Variants in ZNF737 observed in about 807,000 individuals in gnomAD.
ZNF737 encodes the protein zinc finger protein 102 (Y3).
Under a neutral mutation model 11.7 loss-of-function variants are expected in ZNF737, and 13 were observed. The observed-to-expected ratio is 1.11, with a 90% CI of 0.73 to 1.77. The LOEUF (loss-of-function observed/expected upper bound fraction) is 1.77. Ranked by LOEUF, ZNF737 falls within the 40% of genes most tolerant of loss-of-function variation. The pLI is 0.00. For missense variants in ZNF737, 636 were observed against 638.0 expected (o/e 1.00, Z 0.03); for synonymous variants, 217 against 216.2 (o/e 1.00, Z -0.03).
chr19:20,545,038 T>G lies in ZNF737; in HGVS notation c.1165A>C (p.Arg389=). 6.2e-7 allele frequency: 1 copy of G among 1,613,958 alleles called. No individual in the cohort carries two copies. ...NWSSHLTTHK[R]IHTGEKPYKC... is the part of the protein sequence containing the mutation. ...TAGGGTTTCTCTCCAGTATGAATTC[T>G]CTTATGTGTAGTAAGGTGTGAGGAC... is the stretch of plus-strand genomic sequence containing the variant. Residue 389 remains arginine, a synonymous_variant, in exon 4 of 4, where the codon AGA becomes CGA. Coordinates refer to ENST00000427401, the MANE Select transcript of ZNF737 (RefSeq NM_001159293.2).
At chr19:20,535,270 T>C (rs112914358), downstream of ZNF737, among the ~76,000 whole-genome samples, 1 of 151,810 alleles carries the variant, frequency 6.6e-6, no homozygotes, top group South Asian at 2.1e-4. Flanking sequence ...AGAATGAGAC[T>C]CCATCTCAAA....
At position 20,542,879 on chromosome 19, in the gene ZNF737, T is replaced by G. The variant is rs1968274200; in HGVS notation, c.*1713A>C. On this transcript the variant is annotated 3_prime_UTR_variant, in exon 4 of 4. Transcript: ENST00000427401. ...ATAACAGCATAATTTGAAAGCTGTATTACATCATTATTCAGCTTTCAAAAA... is the reference window on the plus strand; with the variant it reads ...ATAACAGCATAATTTGAAAGCTGTAGTACATCATTATTCAGCTTTCAAAAA... 1.0e-6 allele frequency: 1 copy of G among 984,880 alleles called. No homozygotes were observed. The highest frequency in any genetic ancestry group is 1.7e-5 in the African/African-American group (1 of 57,242). 61.0% of individuals were successfully genotyped at this position (984,880 alleles called of 1,614,324 possible). A position where few individuals can be genotyped will look rare whatever the true frequency, so the allele number is the denominator to read the frequency against.
intron 3 of ZNF737, 43 bp downstream of exon 3, chr19:20,552,432 C>T (rs775926026): frequency 1.4e-6 from 2 of 1,434,916 alleles, no homozygotes; most frequent in East Asian, 4.9e-5. Flanking sequence ...TTTGGGACCT[C>T]TTATCTGTGT....
downstream of ZNF737, chr19:20,536,012 C>G (rs782543511): frequency 4.9e-5 from 44 of 890,894 alleles, no homozygotes; most frequent in African/African-American, 6.7e-4. Flanking sequence ...TGTTCTTCAG[C>G]CAATGGATGA....
At chr19:20,561,011 C>T (rs1555762308) in intron 1 of ZNF737, among the ~76,000 whole-genome samples, 1 of 151,954 alleles carries the variant, frequency 6.6e-6, no homozygotes, top group South Asian at 2.1e-4. Context: ...CACGCAAAAC[C>T]CCCATGCACC....
rs1250390260 is a variant in ZNF737, at chr19:20,565,626, C to G, written c.3+12G>C. The G allele has an allele frequency of 6.2e-7, 1 of 1,614,148 alleles. No individual in the cohort carries two copies. Among genetic ancestry groups the G allele is most frequent in the Non-Finnish European group, 8.5e-7 (1 of 1,180,026 alleles). On this transcript the variant is annotated intron_variant, in intron 1 of 3. Transcript: ENST00000427401. ...ATCCCCCTCTCTCGGGATGTCGGAC[C>G]GGCACTCTCACCATTTCTAGGCTTC...
At chr19:20,555,446 T>G (rs923132161) in intron 1 of ZNF737, among the ~76,000 whole-genome samples, 2 of 152,088 alleles carry the variant, frequency 1.3e-5, no homozygotes, top group African/African-American at 2.4e-5. Flanking sequence ...CCTCCCAAAG[T>G]GCTGGGATTA....
At chr19:20,565,613 C>G (rs782562779) in intron 1 of ZNF737, 25 bp downstream of exon 1, 8 of 1,614,176 alleles carry the variant, frequency 5.0e-6, no homozygotes, top group South Asian at 1.1e-5. Context: ...CCCCCTCTCT[C>G]GGGATGTCGG....
chr19:20,561,870 C>G (rs1407528341), intron 1 of ZNF737, among the ~76,000 whole-genome samples: 2 of 152,128 alleles, frequency 1.3e-5, no homozygotes, highest in African/African-American at 4.8e-5. Context: ...TAGAGCTACT[C>G]ACAGAACTCA....
At chr19:20,562,288 C>G (rs536492504) in intron 1 of ZNF737, among the ~76,000 whole-genome samples, 1 of 152,042 alleles carries the variant, frequency 6.6e-6, no homozygotes, top group South Asian at 2.1e-4. Context: ...ATTCTCCTGC[C>G]TCACCCTCCC....
At chr19:20,532,024 A>G (rs569704371), downstream of ZNF737, among the ~76,000 whole-genome samples, 9 of 150,358 alleles carry the variant, frequency 6.0e-5, no homozygotes, top group East Asian at 1.4e-3. Flanking sequence ...AATTTTGTTT[A>G]TGTAAATATC....
Position 20,542,826 on chromosome 19 carries a change from T to C in ZNF737, c.*1766A>G, listed in dbSNP as rs553599102. 1 of 985,392 alleles carries C rather than the reference T, an allele frequency of 1.0e-6. No homozygotes were observed. Among genetic ancestry groups the C allele is most frequent in the Non-Finnish European group, 1.2e-6 (1 of 829,898 alleles). The allele number at this position is 985,392 out of a possible 1,614,324, so 61.0% of individuals were successfully genotyped here. A position where few individuals can be genotyped will look rare whatever the true frequency, so the allele number is the denominator to read the frequency against. On this transcript the variant is annotated 3_prime_UTR_variant, in exon 4 of 4. Coordinates refer to ENST00000427401, the MANE Select transcript of ZNF737 (RefSeq NM_001159293.2). ...TCTGATGCAGAAGCCACTGATCACA[T>C]GCTTTCTCACATGTGAATAGAAATA...
chr19:20,560,722 G>A (rs1174628873), intron 1 of ZNF737, among the ~76,000 whole-genome samples: 1 of 151,690 alleles, frequency 6.6e-6, no homozygotes, highest in African/African-American at 2.4e-5. Context: ...GGAGGTTGTG[G>A]TGAGCCGAGA....
rs1259010581 is a variant in ZNF737 at position 20,538,118 on chromosome 19, T to G, written c.*6474A>C. The G allele has an allele frequency of 5.3e-6, 4 of 752,020 alleles. No homozygotes were observed. Among genetic ancestry groups the G allele is most frequent in the Non-Finnish European group, 1.6e-6 (1 of 617,214 alleles). 46.6% of individuals were successfully genotyped at this position (752,020 alleles called of 1,614,324 possible). On this transcript the variant is annotated 3_prime_UTR_variant, in exon 4 of 4. Coordinates refer to ENST00000427401, the MANE Select transcript of ZNF737 (RefSeq NM_001159293.2). ...AAGTAGAGGTTCCTCTTCAAAGACT[T>G]TTCTACCTAATTATGAATAGTAACT...
chr19:20,539,814 G>C lies in ZNF737; in HGVS notation c.*4778C>G. On this transcript the variant is annotated 3_prime_UTR_variant, in exon 4 of 4. Transcript: ENST00000427401. ...TCTGTAATAAATAGTGTAAACCTGTGTCACCAGAATGGTGCAGACATGCTG... is the reference window on the plus strand; with the variant it reads ...TCTGTAATAAATAGTGTAAACCTGTCTCACCAGAATGGTGCAGACATGCTG... 1 of 985,422 alleles carries C rather than the reference G, an allele frequency of 1.0e-6. No individual in the cohort carries two copies. The highest frequency in any genetic ancestry group is 1.2e-6 in the Non-Finnish European group (1 of 829,928). 61.0% of individuals were successfully genotyped at this position (985,422 alleles called of 1,614,324 possible). A position where few individuals can be genotyped will look rare whatever the true frequency, so the allele number is the denominator to read the frequency against.
At chr19:20,552,854 A>T (rs1568432371) in intron 2 of ZNF737, among the ~76,000 whole-genome samples, 3 of 151,920 alleles carry the variant, frequency 2.0e-5, no homozygotes, top group Non-Finnish European at 4.4e-5. Flanking sequence ...TCTACTAAAA[A>T]TACAAACATT....
chr19:20,530,413 C>T, the ZNF737 span, among the ~76,000 whole-genome samples: 6 of 149,540 alleles, frequency 4.0e-5, no homozygotes, highest in Admixed American at 4.0e-4. Context: ...GGGGCTGACC[C>T]CCCACCTCCC....
chr19:20,556,220 G>A (rs1470724437), intron 1 of ZNF737, among the ~76,000 whole-genome samples: 1 of 151,998 alleles, frequency 6.6e-6, no homozygotes, highest in African/African-American at 2.4e-5. Context: ...TAACGCTCAT[G>A]AATGTATTTT....
rs1968332202 is a variant in ZNF737, at chr19:20,544,164, G to T, written c.*428C>A. ...ATATTGAAAACTTGTTATAGGATTT[G>T]CCACATTCCTCAAACTTGTAGGATT... On this transcript the variant is annotated 3_prime_UTR_variant, in exon 4 of 4. Coordinates refer to ENST00000427401, the MANE Select transcript of ZNF737 (RefSeq NM_001159293.2). 6.0e-6 allele frequency: 6 copies of T among 1,008,172 alleles called. No homozygotes were observed. Among genetic ancestry groups the T allele is most frequent in the Non-Finnish European group, 7.1e-6 (6 of 843,986 alleles). 62.5% of individuals were successfully genotyped at this position (1,008,172 alleles called of 1,614,324 possible).
Sources: gnomAD v4.1 joint callset for allele counts (sites outside exome capture counted in the v4.1 genomes callset) on GRCh38, gnomAD v4.1.1 for gene constraint, MANE v1.5 for transcripts, NCBI Gene and HGNC (gene_info 2026-07-23, HGNC 2026-07-21) for gene names.